CCDC150: variants seen among roughly 807,000 people sequenced by gnomAD.
CCDC150 encodes the protein coiled-coil domain containing 150, also known as coiled-coil domain-containing protein 150.
In CCDC150, 151 loss-of-function variants were observed where a neutral mutation model predicts 156.5. The ratio of observed to expected loss-of-function variants is 0.97; its 90% CI spans 0.85 to 1.10. The LOEUF (loss-of-function observed/expected upper bound fraction) is 1.10, where lower values mean the gene tolerates loss of function less well. Ranked by LOEUF, CCDC150 falls within the 50% of genes least tolerant of loss-of-function variation. The pLI, the probability that CCDC150 is intolerant of heterozygous loss-of-function variation, is 0.00. For synonymous variants in CCDC150, 452 were observed against 429.4 expected (o/e 1.05, Z -0.65); for missense variants, 1,312 against 1,268.1 (o/e 1.03, Z -0.53).
intron 2 of CCDC150, among the ~76,000 whole-genome samples, chr2:196,651,548 A>G (rs1692875842): frequency 6.6e-6 from 1 of 152,168 alleles, no homozygotes; most frequent in Admixed American, 6.5e-5. Flanking sequence ...CTGAGATAGT[A>G]TTCTTGGTTG....
At chr2:196,724,491 T>C (rs1000741130) in intron 21 of CCDC150, among the ~76,000 whole-genome samples, 6 of 152,216 alleles carry the variant, frequency 3.9e-5, no homozygotes, top group Admixed American at 1.3e-4. Context: ...TGTTGGGTAA[T>C]ATGCTAAGGA....
chr2:196,658,690 T>C, intron 4 of CCDC150, 102 bp from the exon 5 acceptor site: 1 of 724,722 alleles, frequency 1.4e-6, no homozygotes. Context: ...AAATAGCATT[T>C]ATAGGTTGCC....
In CCDC150 at chr2:196,718,246, C is replaced by G. The variant is rs1697659232; in HGVS notation, c.1867-257C>G. On this transcript the variant is annotated intron_variant, in intron 17 of 27. Transcript: ENST00000389175. ...TAATAATTTCTCTCCCATTTTACAT[C>G]TCAGCTTCATAGATAGTCTTATTCT... 3 of 213,190 alleles carry G rather than the reference C, an allele frequency of 1.4e-5. No individual in the cohort carries two copies. In the East Asian group the frequency reaches 3.0e-4, roughly 21 times the overall value. 13.2% of individuals were successfully genotyped at this position (213,190 alleles called of 1,614,324 possible).
chr2:196,640,188 T>G (rs1692128621), intron 1 of CCDC150, among the ~76,000 whole-genome samples: 1 of 152,206 alleles, frequency 6.6e-6, no homozygotes, highest in African/African-American at 2.4e-5. Flanking sequence ...CTTTACGGTT[T>G]CCGCAGTACC....
intron 27 of CCDC150, 107 bp from the exon 28 acceptor site, chr2:196,732,339 G>A: frequency 8.9e-7 from 1 of 1,118,658 alleles, no homozygotes; most frequent in Non-Finnish European, 1.3e-6. Context: ...TTTTAGATTA[G>A]AATCACTTGT....
At chr2:196,668,035 C>T (rs1282067152) in intron 7 of CCDC150, 2 of 152,278 alleles carry the variant, frequency 1.3e-5, no homozygotes, top group Non-Finnish European at 2.9e-5. Context: ...CGTGGTGGCT[C>T]AGCCTGTAAT....
At chr2:196,693,404 T>C (rs566729342) in intron 13 of CCDC150, among the ~76,000 whole-genome samples, 1 of 152,374 alleles carries the variant, frequency 6.6e-6, no homozygotes, top group African/African-American at 2.4e-5. Context: ...TTAAAGAATT[T>C]CATAGTATTA....
intron 1 of CCDC150, among the ~76,000 whole-genome samples, chr2:196,645,925 G>A (rs1692506166): frequency 6.6e-6 from 1 of 152,178 alleles, no homozygotes; most frequent in African/African-American, 2.4e-5. Context: ...CAAGTCATAG[G>A]TCCTTGTGTG....
intron 1 of CCDC150, among the ~76,000 whole-genome samples, chr2:196,644,537 C>T (rs150499168): frequency 8.7e-4 from 133 of 152,084 alleles, no homozygotes; most frequent in South Asian, 3.9e-3. Context: ...GTAACATTAC[C>T]AGGAGTCTCC....
chr2:196,689,818 T>C (rs1401226361), intron 13 of CCDC150, among the ~76,000 whole-genome samples: 4 of 152,184 alleles, frequency 2.6e-5, no homozygotes. Context: ...ATCCCTGTCT[T>C]GTGCCAGTTT....
chr2:196,676,501 G>T, intron 11 of CCDC150, 53 bp from the exon 12 acceptor site: 1 of 1,477,006 alleles, frequency 6.8e-7, no homozygotes, highest in Non-Finnish European at 9.2e-7. Flanking sequence ...TGCTCTTTCT[G>T]TTAAATTAGA....
At chr2:196,727,120 A>C (rs1248236449) in intron 22 of CCDC150, 1 of 152,262 alleles carries the variant, frequency 6.6e-6, no homozygotes, top group Non-Finnish European at 1.5e-5. Context: ...AAAAAAATCA[A>C]ACAGGCCAGG....
intron 13 of CCDC150, among the ~76,000 whole-genome samples, chr2:196,684,370 T>G (rs1243259710): frequency 2.6e-5 from 4 of 152,154 alleles, no homozygotes; most frequent in Admixed American, 1.3e-4. Context: ...CCAAATATTC[T>G]TTTATTGATT....
intron 21 of CCDC150, among the ~76,000 whole-genome samples, chr2:196,722,215 G>A (rs1697960939): frequency 6.6e-6 from 1 of 152,108 alleles, no homozygotes; most frequent in South Asian, 2.1e-4. Context: ...GATAATAATA[G>A]CATCCCATGA....
At chr2:196,652,692 G>A (rs928362359) in intron 2 of CCDC150, among the ~76,000 whole-genome samples, 2 of 152,224 alleles carry the variant, frequency 1.3e-5, no homozygotes, top group African/African-American at 4.8e-5. Context: ...GCCTCCAGGT[G>A]GACTGTTTGT....
At chr2:196,718,743 G>A (rs1228337089) in intron 18 of CCDC150, 112 bp downstream of exon 18, 2 of 1,331,600 alleles carry the variant, frequency 1.5e-6, no homozygotes, top group South Asian at 2.3e-5. Context: ...GATTGATCAG[G>A]GGAGGATTTC....
rs150958220 is a variant in CCDC150, at chr2:196,708,182, G to A, written c.1696-3963G>A. Among the ~76,000 whole-genome samples the A allele has an allele frequency of 6.1e-3, 922 of 152,218 alleles. 5 individuals carry two copies. Among genetic ancestry groups the A allele is most frequent in the African/African-American group, 0.021 (867 of 41,530 alleles). Reference sequence around the variant, plus strand: ...CTCTAAGAACTTCCTTTATGAATCTGGGTGCTCTTGTATTGGGTGTATATA... The same window carrying A: ...CTCTAAGAACTTCCTTTATGAATCTAGGTGCTCTTGTATTGGGTGTATATA... On this transcript the variant is annotated intron_variant, in intron 15 of 27. Coordinates refer to ENST00000389175, the MANE Select transcript of CCDC150 (RefSeq NM_001080539.2).
At chr2:196,696,654 C>T (rs1695849183) in intron 14 of CCDC150, among the ~76,000 whole-genome samples, 1 of 152,190 alleles carries the variant, frequency 6.6e-6, no homozygotes, top group African/African-American at 2.4e-5. Flanking sequence ...CACCCAGAAG[C>T]GTCTCTGACC....
chr2:196,673,267 A>T (rs1018820330), intron 9 of CCDC150, among the ~76,000 whole-genome samples: 1 of 152,210 alleles, frequency 6.6e-6, no homozygotes, highest in South Asian at 2.1e-4. Context: ...CACATTTTAA[A>T]GATAAGGAAG....
Sources: allele counts gnomAD v4.1 joint callset (sites outside exome capture counted in the v4.1 genomes callset), GRCh38; gene constraint gnomAD v4.1.1; transcripts MANE v1.5; gene names NCBI Gene and HGNC (gene_info 2026-07-23, HGNC 2026-07-21).